The following MYO6 variants were observed in gnomAD, a reference collection of about 807,000 sequenced individuals.
The protein encoded by MYO6 is unconventional myosin-VI.
Under a neutral mutation model 178.7 loss-of-function variants are expected in MYO6, and 74 were observed. That is an observed-to-expected ratio of 0.41 (90% CI 0.34 to 0.50). MYO6 has a LOEUF of 0.50. Among genes scored for constraint, MYO6 ranks in the 20% least tolerant of loss-of-function variants. The pLI is 0.09. For missense variants in MYO6, 1,330 were observed against 1,547.4 expected (o/e 0.86, Z 2.36); for synonymous variants, 477 against 504.6 (o/e 0.95, Z 0.73).
chr6:75,809,595 G>T (rs537864783), intron 1 of MYO6, among the ~76,000 whole-genome samples: 1 of 152,252 alleles, frequency 6.6e-6, no homozygotes, highest in African/African-American at 2.4e-5. Flanking sequence ...TACGTGGAAG[G>T]TATATATTGA....
chr6:75,801,096 G>A (rs1345214483), intron 1 of MYO6, among the ~76,000 whole-genome samples: 2 of 152,196 alleles, frequency 1.3e-5, no homozygotes, highest in East Asian at 3.8e-4. Context: ...AAAGCCGTAA[G>A]ACTAGATGTA....
In MYO6 at chr6:75,900,815, A is replaced by G. The variant is rs559422037; in HGVS notation, c.3176+2404A>G. Among the ~76,000 whole-genome samples the G allele has an allele frequency of 1.3e-4, 19 of 151,388 alleles. 1 individual carries two copies. The South Asian group carries it at 3.4e-3, about 27-fold the overall frequency. On this transcript the variant is annotated intron_variant, in intron 30 of 34. Coordinates refer to ENST00000369977, the MANE Select transcript of MYO6 (RefSeq NM_004999.4). ...AGACATGAAGTCCTTGCCCATGCCT[A>G]TGTCCTGAATGGTAATGCCTAGGTT...
chr6:75,903,842 G>A (rs1202318397), intron 30 of MYO6, among the ~76,000 whole-genome samples: 2 of 151,536 alleles, frequency 1.3e-5, no homozygotes, highest in Non-Finnish European at 2.9e-5. Context: ...TTACATTTTG[G>A]CATGATTTTG....
chr6:75,916,589 TA>T lies in MYO6; in HGVS notation c.*1580del. The T allele has an allele frequency of 6.5e-6, 1 of 152,736 alleles. No individual in the cohort carries two copies. 9.5% of individuals were successfully genotyped at this position (152,736 alleles called of 1,614,324 possible). A position where few individuals can be genotyped will look rare whatever the true frequency, so the allele number is the denominator to read the frequency against. On this transcript the variant is annotated 3_prime_UTR_variant, in exon 35 of 35. Transcript: ENST00000369977. ...GGGACAGAAGGTGTAGCTACTGAAG[TA>T]AATGACCTATTCTCTCTCTTCCATC...
chr6:75,881,065 A>C (rs1239934590), intron 22 of MYO6, among the ~76,000 whole-genome samples: 1 of 152,194 alleles, frequency 6.6e-6, no homozygotes, highest in Non-Finnish European at 1.5e-5. Context: ...CAGCTTGGGC[A>C]ACATGGCAAA....
chr6:75,854,873 G>A (rs2036993980), intron 11 of MYO6, among the ~76,000 whole-genome samples: 1 of 151,978 alleles, frequency 6.6e-6, no homozygotes, highest in Non-Finnish European at 1.5e-5. Flanking sequence ...TGCTTATAGG[G>A]TCAAAAAAAA....
At chr6:75,777,205 C>A (rs763096147) in intron 1 of MYO6, among the ~76,000 whole-genome samples, 2 of 152,076 alleles carry the variant, frequency 1.3e-5, no homozygotes, top group Non-Finnish European at 2.9e-5. Context: ...GTATTAATAT[C>A]TTTCTTAAGG....
Position 75,848,470 on chromosome 6 carries a change from G to A in MYO6, c.1017G>A (p.Arg339=), listed in dbSNP as rs1774935560. 8 of 1,613,776 alleles carry A rather than the reference G, an allele frequency of 5.0e-6. No individual in the cohort carries two copies. The highest frequency in any genetic ancestry group is 6.8e-6 in the Non-Finnish European group (8 of 1,179,874). The change falls in exon 11 of 35, where the codon CGG becomes CGA. Residue 339 remains arginine, a synonymous_variant. Transcript: ENST00000369977. ...ATGAAGAAAAGCTTGATCTCTTCCG[G>A]GTAGTAGCTGGCGTCCTGCACCTTG... ...LDDEEKLDLF[R]VVAGVLHLGN...
intron 22 of MYO6, 36 bp from the exon 23 acceptor site, chr6:75,881,653 A>G: frequency 2.5e-6 from 4 of 1,598,406 alleles, no homozygotes; most frequent in Non-Finnish European, 3.4e-6. Context: ...ATGCATTTAT[A>G]TTTTAATACT....
At chr6:75,767,281 C>T (rs529493256) in intron 1 of MYO6, among the ~76,000 whole-genome samples, 3 of 152,234 alleles carry the variant, frequency 2.0e-5, no homozygotes, top group Non-Finnish European at 2.9e-5. Flanking sequence ...CCATCTTGGC[C>T]TCCCAGAGTG....
intron 2 of MYO6, among the ~76,000 whole-genome samples, chr6:75,820,232 T>C (rs980189694): frequency 1.3e-5 from 2 of 152,160 alleles, no homozygotes; most frequent in Non-Finnish European, 2.9e-5. Flanking sequence ...CCCTTCATAC[T>C]CTTACTCTTG....
chr6:75,884,491 G>A (rs929015212), intron 23 of MYO6, among the ~76,000 whole-genome samples: 1 of 152,296 alleles, frequency 6.6e-6, no homozygotes, highest in Admixed American at 6.5e-5. Context: ...ACATGATATT[G>A]TAACTGCCCA....
chr6:75,894,587 CAT>C (rs3839371), intron 28 of MYO6, among the ~76,000 whole-genome samples: 51,190 of 151,934 alleles, frequency 0.34, 9,482 homozygotes, highest in Admixed American at 0.48. Flanking sequence ...ACAGATATCA[CAT>C]GTTTGATAGT....
In MYO6 at chr6:75,873,350, C is replaced by T. The variant is rs781638019; in HGVS notation, c.2077+50C>T. On this transcript the variant is annotated intron_variant, in intron 20 of 34. Coordinates refer to ENST00000369977, the MANE Select transcript of MYO6 (RefSeq NM_004999.4). Reference sequence around the variant, plus strand: ...TGTGTTAGTAGTCATAGCTCAAATACAATTTAATAGGTTCAGTATTTTCAA... The same window carrying T: ...TGTGTTAGTAGTCATAGCTCAAATATAATTTAATAGGTTCAGTATTTTCAA... 2.4e-5 allele frequency: 31 copies of T among 1,308,236 alleles called. No individual in the cohort carries two copies. The Admixed American group carries it at 3.7e-4, about 16-fold the overall frequency. The allele number at this position is 1,308,236 out of a possible 1,614,324, so 81.0% of individuals were successfully genotyped here. A position where few individuals can be genotyped will look rare whatever the true frequency, so the allele number is the denominator to read the frequency against.
intron 1 of MYO6, among the ~76,000 whole-genome samples, chr6:75,804,893 T>C (rs116985694): frequency 0.014 from 1,837 of 131,308 alleles, 39 homozygotes; most frequent in African/African-American, 0.052. Flanking sequence ...CACACACACA[T>C]ATATATACAT....
At chr6:75,863,073 G>C (rs1482747766) in intron 16 of MYO6, among the ~76,000 whole-genome samples, 4 of 152,024 alleles carry the variant, frequency 2.6e-5, no homozygotes, top group Admixed American at 6.6e-5. Flanking sequence ...CTGGCCAAAA[G>C]AGCAAGATCC....
intron 16 of MYO6, among the ~76,000 whole-genome samples, chr6:75,863,205 C>T (rs757020314): frequency 2.6e-5 from 4 of 152,138 alleles, no homozygotes; most frequent in Non-Finnish European, 5.9e-5. Flanking sequence ...AGTTGGCACT[C>T]GGAGTCGCAA....
chr6:75,873,170 A>T, intron 19 of MYO6, 37 bp from the exon 20 acceptor site: 1 of 1,481,688 alleles, frequency 6.7e-7, no homozygotes, highest in South Asian at 1.1e-5. Context: ...TAAGAATGCT[A>T]TATGTATTGT....
intron 1 of MYO6, among the ~76,000 whole-genome samples, chr6:75,804,749 T>G (rs1769832632): frequency 6.6e-6 from 1 of 151,864 alleles, no homozygotes; most frequent in Non-Finnish European, 1.5e-5. Flanking sequence ...AAGGATTCTG[T>G]TTGCCATATG....
Sources: allele counts gnomAD v4.1 joint callset (sites outside exome capture counted in the v4.1 genomes callset), GRCh38; gene constraint gnomAD v4.1.1; transcripts MANE v1.5; gene names NCBI Gene and HGNC (gene_info 2026-07-23, HGNC 2026-07-21).